PRTG: variants seen among roughly 807,000 people sequenced by gnomAD.
The protein encoded by PRTG is protogenin.
A neutral mutation model predicts 122.5 loss-of-function variants in PRTG; 67 were observed. The ratio of observed to expected loss-of-function variants is 0.55; its 90% CI spans 0.45 to 0.67. The LOEUF (loss-of-function observed/expected upper bound fraction) is 0.67. Among genes scored for constraint, PRTG ranks in the 30% least tolerant of loss-of-function variants. The pLI, the probability that PRTG is intolerant of heterozygous loss-of-function variation, is 0.00. For missense variants in PRTG, 1,435 were observed against 1,415.4 expected, an observed-to-expected ratio of 1.01 and a Z score of -0.22; for synonymous variants, 554 against 501.1, an observed-to-expected ratio of 1.11 and a Z score of -1.41.
intron 2 of PRTG, among the ~76,000 whole-genome samples, chr15:55,696,347 C>A (rs1024305462): frequency 6.6e-6 from 1 of 152,156 alleles, no homozygotes; most frequent in Non-Finnish European, 1.5e-5. Context: ...TATATATTAA[C>A]GTAAAGCTTA....
intron 2 of PRTG, among the ~76,000 whole-genome samples, chr15:55,704,419 AC>A (rs2030005491): frequency 1.3e-5 from 2 of 152,336 alleles, no homozygotes; most frequent in African/African-American, 4.8e-5. Context: ...AAATATTTCT[AC>A]TAGGATTACT....
Position 55,673,361 on chromosome 15 carries a change from A to T in PRTG, c.1852+10T>A. Reference sequence around the variant, plus strand: ...ATACTGTATTTTCTTAACAGTCTTCAGAAATTCACCTTTCACGCTTGTAGC... The same window carrying T: ...ATACTGTATTTTCTTAACAGTCTTCTGAAATTCACCTTTCACGCTTGTAGC... On this transcript the variant is annotated intron_variant, in intron 10 of 19. Coordinates refer to ENST00000389286, the MANE Select transcript of PRTG (RefSeq NM_173814.6). 3 of 1,594,450 alleles carry T rather than the reference A, an allele frequency of 1.9e-6. No homozygotes were observed. Among genetic ancestry groups the T allele is most frequent in the Non-Finnish European group, 2.6e-6 (3 of 1,164,276 alleles).
intron 2 of PRTG, among the ~76,000 whole-genome samples, chr15:55,700,593 C>T (rs537421380): frequency 6.6e-6 from 1 of 151,998 alleles, no homozygotes; most frequent in East Asian, 1.9e-4. Context: ...ACCAGCCTGG[C>T]CAACACAGGG....
rs755884107 is a variant in PRTG, at chr15:55,675,651, C to T, written c.1414G>A (p.Gly472Arg). ...LNNEEYQVVI[G>R]NDTTHYIIDD... ...ATAATATAATGAGTTGTGTCATTTC[C>T]GATGACTACTTGATACTCTTCATTA... Residue 472 changes from glycine to arginine, a missense_variant, in exon 9 of 20, where the codon GGA becomes AGA. Physicochemically the swap from Gly to Arg is moderately radical, Grantham distance 125. Transcript: ENST00000389286. 8.0e-5 allele frequency: 127 copies of T among 1,585,576 alleles called. 1 individual carries two copies. The highest frequency in any genetic ancestry group is 7.8e-6 in the Non-Finnish European group (9 of 1,154,906).
intron 2 of PRTG, among the ~76,000 whole-genome samples, chr15:55,693,417 T>C (rs1331750059): frequency 6.6e-6 from 1 of 151,420 alleles, no homozygotes; most frequent in East Asian, 1.9e-4. Context: ...GATCGCACCA[T>C]TGCTCTCCAG....
Position 55,631,447 on chromosome 15 carries a change from C to T in PRTG, c.2624-2443G>A, listed in dbSNP as rs150419895. Among the ~76,000 whole-genome samples, 28 of 152,250 alleles carry T rather than the reference C, an allele frequency of 1.8e-4. 1 individual carries two copies. Among genetic ancestry groups the T allele is most frequent in the African/African-American group, 6.5e-4 (27 of 41,540 alleles). ...CAAGGACCAGCAGTACATGTGTGCA[C>T]GCATTCCCCTTTTCCCCCAAAAAGT... On this transcript the variant is annotated intron_variant, in intron 15 of 19. Coordinates refer to ENST00000389286, the MANE Select transcript of PRTG (RefSeq NM_173814.6).
At chr15:55,668,870 T>C (rs560147885) in intron 11 of PRTG, among the ~76,000 whole-genome samples, 1 of 152,304 alleles carries the variant, frequency 6.6e-6, no homozygotes, top group East Asian at 1.9e-4. Flanking sequence ...AGTTCTAAAA[T>C]AACTTTCATT....
chr15:55,643,622 A>G (rs2059304567), intron 11 of PRTG, among the ~76,000 whole-genome samples: 1 of 151,580 alleles, frequency 6.6e-6, no homozygotes, highest in Non-Finnish European at 1.5e-5. Flanking sequence ...CAAGGACTCA[A>G]CATATTGCCC....
chr15:55,672,380 T>C (rs1225517978), intron 11 of PRTG, 65 bp downstream of exon 11: 9 of 1,307,760 alleles, frequency 6.9e-6, no homozygotes, highest in Non-Finnish European at 9.6e-6. Flanking sequence ...TTAGATCCAA[T>C]AACTTTTTTC....
intron 2 of PRTG, among the ~76,000 whole-genome samples, chr15:55,710,935 T>A (rs1419286480): frequency 6.6e-6 from 1 of 151,956 alleles, no homozygotes; most frequent in Non-Finnish European, 1.5e-5. Flanking sequence ...AGACAGAGTT[T>A]TGCTCTTGTC....
intron 2 of PRTG, among the ~76,000 whole-genome samples, chr15:55,723,432 T>C (rs1047864015): frequency 6.9e-6 from 1 of 145,974 alleles, no homozygotes; most frequent in Non-Finnish European, 1.5e-5. Flanking sequence ...CTAAGAGACA[T>C]GTGGGGCACC....
chr15:55,675,469 A>C, intron 9 of PRTG, 50 bp downstream of exon 9: 2 of 1,319,800 alleles, frequency 1.5e-6, no homozygotes, highest in Non-Finnish European at 2.1e-6. Flanking sequence ...TGAAATTGAC[A>C]AAACATACGA....
chr15:55,691,699 A>G (rs984951352), intron 2 of PRTG, among the ~76,000 whole-genome samples: 2 of 151,788 alleles, frequency 1.3e-5, no homozygotes, highest in Non-Finnish European at 2.9e-5. Context: ...AAAAAAAAGA[A>G]TATGTGTTAA....
chr15:55,665,502 T>C (rs1470584476), intron 11 of PRTG, among the ~76,000 whole-genome samples: 1 of 125,100 alleles, frequency 8.0e-6, no homozygotes, highest in Non-Finnish European at 2.0e-5. Context: ...AAAAAGGTTT[T>C]TTTTGTTTTT....
rs150338009 is a variant in PRTG at position 55,662,384 on chromosome 15, CA to C, written c.2041+10060del. Among the ~76,000 whole-genome samples the C allele has an allele frequency of 6.6e-5, 10 of 150,870 alleles. 1 individual carries two copies. The South Asian group carries it at 1.0e-3, about 16-fold the overall frequency. ...TGTGCTACTGCATTCAACTGGGTTA[CA>C]AAAAAAAAGTTTAAAAAAGGTTTTC... On this transcript the variant is annotated intron_variant, in intron 11 of 19. Coordinates refer to ENST00000389286, the MANE Select transcript of PRTG (RefSeq NM_173814.6).
At chr15:55,698,267 G>A (rs2059642656) in intron 2 of PRTG, among the ~76,000 whole-genome samples, 1 of 152,084 alleles carries the variant, frequency 6.6e-6, no homozygotes, top group Non-Finnish European at 1.5e-5. Context: ...GGTCTCTTCT[G>A]TCACTTTAGT....
chr15:55,621,653 C>G (rs1268432461), intron 18 of PRTG, among the ~76,000 whole-genome samples: 2 of 151,898 alleles, frequency 1.3e-5, no homozygotes, highest in Non-Finnish European at 2.9e-5. Flanking sequence ...AAAAACAAAA[C>G]AAGACAAAAC....
intron 11 of PRTG, among the ~76,000 whole-genome samples, chr15:55,642,767 T>C (rs1427202032): frequency 6.6e-6 from 1 of 152,114 alleles, no homozygotes; most frequent in Non-Finnish European, 1.5e-5. Flanking sequence ...TTAAAAATAA[T>C]TCTAGAGTGA....
intron 18 of PRTG, 74 bp from the exon 19 acceptor site, chr15:55,620,841 C>T: frequency 7.9e-7 from 1 of 1,263,160 alleles, no homozygotes. Context: ...GTAGTGCATA[C>T]TTTAACTTTT....
Sources: gnomAD v4.1 joint callset for allele counts (sites outside exome capture counted in the v4.1 genomes callset) on GRCh38, gnomAD v4.1.1 for gene constraint, MANE v1.5 for transcripts, NCBI Gene and HGNC (gene_info 2026-07-23, HGNC 2026-07-21) for gene names.